The following METTL8 variants were observed in gnomAD, a reference collection of about 807,000 sequenced individuals.
METTL8 encodes tRNA N(3)-cytidine methyltransferase METTL8, mitochondrial.
A neutral mutation model predicts 48.7 loss-of-function variants in METTL8; 32 were observed. The ratio of observed to expected loss-of-function variants is 0.66; its 90% CI spans 0.50 to 0.88. METTL8 has a LOEUF of 0.88. METTL8 is among the 40% of genes least tolerant of loss of function. The pLI is 0.00. For missense variants in METTL8, 464 were observed against 474.4 expected, an observed-to-expected ratio of 0.98 and a Z score of 0.20; for synonymous variants, 136 against 157.1, an observed-to-expected ratio of 0.87 and a Z score of 1.01.
At position 171,375,078 on chromosome 2, in the gene METTL8, C is replaced by A. The variant is rs149793504; in HGVS notation, c.144-14565G>T. The A allele has an allele frequency of 1.5e-3, 1,724 of 1,159,968 alleles. 19 individuals carry two copies. The East Asian group carries it at 0.017, about 11-fold the overall frequency. The allele number at this position is 1,159,968 out of a possible 1,614,324, so 71.9% of individuals were successfully genotyped here. A position where few individuals can be genotyped will look rare whatever the true frequency, so the allele number is the denominator to read the frequency against. On this transcript the variant is annotated intron_variant, in intron 2 of 9. Coordinates refer to ENST00000375258, the MANE Select transcript of METTL8 (RefSeq NM_001321154.2). The stretch of plus-strand genomic sequence containing the variant: ...TCACACAGTAATATAGCTTCACATA[C>A]AGCTTGGGAAGCACATAGGCATTGA...
chr2:171,328,982 C>A (rs553433132), intron 7 of METTL8, among the ~76,000 whole-genome samples: 1 of 148,040 alleles, frequency 6.8e-6, no homozygotes, highest in Non-Finnish European at 1.5e-5. Flanking sequence ...AGCCACAGCG[C>A]CCAGCCTTTT....
In METTL8 at chr2:171,353,170, C is replaced by T. The variant is rs193032450; in HGVS notation, c.235+7252G>A. Among the ~76,000 whole-genome samples, 885 of 152,284 alleles carry T rather than the reference C, an allele frequency of 5.8e-3. 7 individuals carry two copies. The highest frequency in any genetic ancestry group is 0.02 in the African/African-American group (828 of 41,538). ...TCCCAGAGATTCTGGTATGTTGTAT[C>T]TTTGTTCTCATTGGTTTCAAAGAAC... is the stretch of plus-strand genomic sequence containing the variant. On this transcript the variant is annotated intron_variant, in intron 3 of 9. Coordinates refer to ENST00000375258, the MANE Select transcript of METTL8 (RefSeq NM_001321154.2).
intron 1 of METTL8, among the ~76,000 whole-genome samples, chr2:171,418,891 G>A (rs1203693180): frequency 2.6e-5 from 4 of 152,030 alleles, no homozygotes; most frequent in Admixed American, 2.0e-4. Flanking sequence ...GGAGGCGGAG[G>A]CTGCAGTGAG....
chr2:171,315,939 T>C lies in METTL8; in HGVS notation c.*8233A>G, dbSNP rs1029129298. Among the ~76,000 whole-genome samples the C allele has an allele frequency of 2.0e-5, 3 of 152,216 alleles. No individual in the cohort carries two copies. Among genetic ancestry groups the C allele is most frequent in the Admixed American group, 1.3e-4 (2 of 15,286 alleles). On this transcript the variant is annotated 3_prime_UTR_variant, in exon 10 of 10. Transcript: ENST00000375258. ...TCCTCTGGTGTCACAGTTCCTCCTATACCAGGCCAGGCACTTGCCAATGAC... is the reference window on the plus strand; with the variant it reads ...TCCTCTGGTGTCACAGTTCCTCCTACACCAGGCCAGGCACTTGCCAATGAC...
chr2:171,349,392 T>C (rs1683633107), intron 3 of METTL8, among the ~76,000 whole-genome samples: 1 of 152,188 alleles, frequency 6.6e-6, no homozygotes, highest in African/African-American at 2.4e-5. Context: ...TTTAGATGTC[T>C]CAAATAAGTG....
At chr2:171,361,133 G>A (rs1007613784) in intron 2 of METTL8, among the ~76,000 whole-genome samples, 2 of 152,002 alleles carry the variant, frequency 1.3e-5, no homozygotes, top group Non-Finnish European at 2.9e-5. Flanking sequence ...TTTCAGAATC[G>A]ACTCTCCCTA....
chr2:171,360,413 G>A lies in METTL8; in HGVS notation c.235+9C>T, dbSNP rs537716285. 8 of 1,612,490 alleles carry A rather than the reference G, an allele frequency of 5.0e-6. No homozygotes were observed. The East Asian group carries it at 1.6e-4, about 31-fold the overall frequency. ...CTGGCTCTAGGAGCTACAGCACGCA[G>A]TTGACTACCTTGCTCTTCCAGAAGG... is the stretch of plus-strand genomic sequence containing the variant. On this transcript the variant is annotated intron_variant, in intron 3 of 9. Transcript: ENST00000375258.
At chr2:171,434,708 C>T (rs1197954766), upstream of METTL8, 2 of 1,463,432 alleles carry the variant, frequency 1.4e-6, no homozygotes, top group African/African-American at 1.5e-5. Flanking sequence ...TGCCAGGTGA[C>T]CGCCAGCCGG....
Position 171,375,364 on chromosome 2 carries a change from C to T in METTL8, c.144-14851G>A, listed in dbSNP as rs374874526. ...TAGCATAGTGGTGAGTAAAAACAACCTAAACAAACAAATAAACTGCCAAGT... is the reference window on the plus strand; with the variant it reads ...TAGCATAGTGGTGAGTAAAAACAACTTAAACAAACAAATAAACTGCCAAGT... On this transcript the variant is annotated intron_variant, in intron 2 of 9. Coordinates refer to ENST00000375258, the MANE Select transcript of METTL8 (RefSeq NM_001321154.2). 17 of 635,936 alleles carry T rather than the reference C, an allele frequency of 2.7e-5. No homozygotes were observed. In the East Asian group the frequency reaches 4.1e-4, roughly 15 times the overall value. The allele number at this position is 635,936 out of a possible 1,614,324, so 39.4% of individuals were successfully genotyped here.
In METTL8 at chr2:171,333,882, C is replaced by A. The variant is rs1369803925; in HGVS notation, c.657-2015G>T. On this transcript the variant is annotated intron_variant, in intron 5 of 9. Transcript: ENST00000375258. ...TCTTTAAAAAAAGAGATAAACATGG[C>A]ATCTAAGATGGTTGTTTGAAGTGAA... Among the ~76,000 whole-genome samples, 4 of 152,166 alleles carry A rather than the reference C, an allele frequency of 2.6e-5. No homozygotes were observed. The South Asian group carries it at 6.2e-4, about 24-fold the overall frequency.
chr2:171,334,484 C>A (rs907555257), intron 5 of METTL8, among the ~76,000 whole-genome samples: 3 of 152,096 alleles, frequency 2.0e-5, no homozygotes, highest in Non-Finnish European at 4.4e-5. Flanking sequence ...ATTAAATGAT[C>A]CTTGGAGAAT....
intron 1 of METTL8, among the ~76,000 whole-genome samples, chr2:171,406,015 A>C (rs1469521889): frequency 6.6e-6 from 1 of 152,228 alleles, no homozygotes; most frequent in Non-Finnish European, 1.5e-5. Flanking sequence ...AGCTCAAATT[A>C]GTGGTTATTT....
chr2:171,426,019 T>C (rs569879438), intron 1 of METTL8, among the ~76,000 whole-genome samples: 1 of 152,078 alleles, frequency 6.6e-6, no homozygotes, highest in Non-Finnish European at 1.5e-5. Context: ...TAGCCGGGCA[T>C]GGTGGTGGGC....
intron 2 of METTL8, among the ~76,000 whole-genome samples, chr2:171,391,082 A>T (rs551645216): frequency 1.3e-4 from 20 of 152,284 alleles, no homozygotes; most frequent in African/African-American, 4.8e-4. Context: ...ATTTTAAGAA[A>T]CTGCCACAGC....
At chr2:171,381,679 C>A (rs949899760) in intron 2 of METTL8, among the ~76,000 whole-genome samples, 11 of 151,382 alleles carry the variant, frequency 7.3e-5, no homozygotes, top group African/African-American at 2.4e-4. Flanking sequence ...TAGTGAAATG[C>A]AAATCAAAAC....
At chr2:171,368,592 T>C (rs932610674) in intron 2 of METTL8, among the ~76,000 whole-genome samples, 89 of 152,338 alleles carry the variant, frequency 5.8e-4, no homozygotes, top group African/African-American at 2.0e-3. Context: ...ATGTGATTTT[T>C]AAATATTTTA....
intron 1 of METTL8, among the ~76,000 whole-genome samples, chr2:171,408,288 G>GTTTTTTTT (rs1216637352): frequency 7.3e-6 from 1 of 136,350 alleles, no homozygotes; most frequent in Non-Finnish European, 1.5e-5. Flanking sequence ...GAATTCTACA[G>GTTTTTTTT]TTTTTTTGTT....
intron 3 of METTL8, among the ~76,000 whole-genome samples, chr2:171,351,594 A>G (rs1347602445): frequency 2.6e-5 from 4 of 152,194 alleles, no homozygotes; most frequent in Non-Finnish European, 4.4e-5. Context: ...CCTATCCATG[A>G]GCATGGAATG....
Position 171,319,437 on chromosome 2 carries a change from G to C in METTL8, c.*4735C>G, listed in dbSNP as rs1684418783. 1 of 152,212 alleles carries C rather than the reference G, an allele frequency of 6.6e-6. No individual in the cohort carries two copies. The highest frequency in any genetic ancestry group is 6.5e-5 in the Admixed American group (1 of 15,284). The allele number at this position is 152,212 out of a possible 1,614,324, so 9.4% of individuals were successfully genotyped here. A position where few individuals can be genotyped will look rare whatever the true frequency, so the allele number is the denominator to read the frequency against. On this transcript the variant is annotated 3_prime_UTR_variant, in exon 10 of 10. Coordinates refer to ENST00000375258, the MANE Select transcript of METTL8 (RefSeq NM_001321154.2). ...AATGTGTGATCTATTCAGGCTTCAG[G>C]ACTTTGATGAGTTGGAAGTTTTGGG...
Sources: allele counts gnomAD v4.1 joint callset (sites outside exome capture counted in the v4.1 genomes callset), GRCh38; gene constraint gnomAD v4.1.1; transcripts MANE v1.5; gene names NCBI Gene and HGNC (gene_info 2026-07-23, HGNC 2026-07-21).